The following IL1RAPL1 variants were observed in gnomAD, a reference collection of about 807,000 sequenced individuals.
IL1RAPL1 encodes interleukin-1 receptor accessory protein-like 1.
In IL1RAPL1, 3 loss-of-function variants were observed where a neutral mutation model predicts 48.4. The observed-to-expected ratio is 0.06, with a 90% CI of 0.03 to 0.16. The LOEUF (loss-of-function observed/expected upper bound fraction) is 0.16. IL1RAPL1 is among the 10% of genes least tolerant of loss of function. The pLI, the probability that IL1RAPL1 is intolerant of heterozygous loss-of-function variation, is 1.00. For missense variants in IL1RAPL1, 349 were observed against 530.6 expected, an observed-to-expected ratio of 0.66 and a Z score of 3.36; for synonymous variants, 185 against 187.7, an observed-to-expected ratio of 0.99 and a Z score of 0.12.
chrX:29,635,965 A>G (rs1209154358), intron 5 of IL1RAPL1, among the ~76,000 whole-genome samples: 4 of 111,520 alleles, frequency 3.6e-5, no homozygotes, highest in East Asian at 5.6e-4. Flanking sequence ...GAAGATATCC[A>G]TATGTCCTTG....
At position 28,625,769 on chromosome X, in the gene IL1RAPL1, T is replaced by TG. The variant is rs1569140767; in HGVS notation, c.-25+37722_-25+37723insG. Among the ~76,000 whole-genome samples the TG allele has an allele frequency of 5.4e-5, 6 of 110,393 alleles. No homozygotes were observed. The South Asian group carries it at 1.6e-3, about 29-fold the overall frequency. On this transcript the variant is annotated intron_variant, in intron 1 of 10. Coordinates refer to ENST00000378993, the MANE Select transcript of IL1RAPL1 (RefSeq NM_014271.4). ...GTGTGTGTGTGTGTGTGTGTGTGTG[T>TG]TTTACCAAGAATCTATATAGGTGCT...
At chrX:29,018,434 G>C (rs771657305) in intron 2 of IL1RAPL1, among the ~76,000 whole-genome samples, 4 of 112,043 alleles carry the variant, frequency 3.6e-5, no homozygotes, top group African/African-American at 1.3e-4. Flanking sequence ...ATGGGATTCT[G>C]GAAACATTCA....
intron 2 of IL1RAPL1, among the ~76,000 whole-genome samples, chrX:29,256,268 T>A (rs1374574290): frequency 1.3e-4 from 14 of 111,657 alleles, no homozygotes; most frequent in African/African-American, 2.3e-4. Flanking sequence ...TTAATTAATT[T>A]ATTTATTTTT....
chrX:29,733,340 G>C (rs1287921090), intron 6 of IL1RAPL1, among the ~76,000 whole-genome samples: 1 of 111,575 alleles, frequency 9.0e-6, no homozygotes, highest in Admixed American at 9.5e-5. Flanking sequence ...CCAGCTTCTG[G>C]CTCAGTTCCT....
intron 2 of IL1RAPL1, among the ~76,000 whole-genome samples, chrX:28,938,991 A>T (rs1924092832): frequency 9.2e-6 from 1 of 109,203 alleles, no homozygotes. Flanking sequence ...CGTACCAGTC[A>T]GAATGGCTAT....
chrX:29,017,690 G>A (rs976988793), intron 2 of IL1RAPL1, among the ~76,000 whole-genome samples: 4 of 111,393 alleles, frequency 3.6e-5, no homozygotes, highest in Admixed American at 2.9e-4. Context: ...AATCTATGTG[G>A]TAAGGACAAC....
At chrX:29,000,885 C>T (rs1379672945) in intron 2 of IL1RAPL1, among the ~76,000 whole-genome samples, 1 of 105,694 alleles carries the variant, frequency 9.5e-6, no homozygotes, top group African/African-American at 3.5e-5. Context: ...GGGGACATAG[C>T]ATGATGTGTG....
intron 2 of IL1RAPL1, among the ~76,000 whole-genome samples, chrX:28,984,093 AATT>A (rs1925407381): frequency 8.9e-6 from 1 of 111,883 alleles, no homozygotes; most frequent in Non-Finnish European, 1.9e-5. Flanking sequence ...TATTCAATAG[AATT>A]TTCTGCAGTA....
At chrX:28,878,522 G>A (rs183189693) in intron 2 of IL1RAPL1, among the ~76,000 whole-genome samples, 1 of 112,005 alleles carries the variant, frequency 8.9e-6, no homozygotes, top group Admixed American at 9.5e-5. Flanking sequence ...TAAATTTGGT[G>A]AAGCCAAACT....
chrX:29,297,026 A>G (rs1932459632), intron 3 of IL1RAPL1, among the ~76,000 whole-genome samples: 1 of 111,730 alleles, frequency 9.0e-6, no homozygotes, highest in Admixed American at 9.5e-5. Flanking sequence ...TGATTTCATT[A>G]TATCTCACAA....
chrX:29,723,918 G>A (rs1027372828), intron 6 of IL1RAPL1, among the ~76,000 whole-genome samples: 1 of 110,861 alleles, frequency 9.0e-6, no homozygotes, highest in Non-Finnish European at 1.9e-5. Context: ...GGGTTCAAAT[G>A]ATTCCCCTGC....
At chrX:29,938,252 G>T (rs1378277152) in intron 8 of IL1RAPL1, among the ~76,000 whole-genome samples, 1 of 112,034 alleles carries the variant, frequency 8.9e-6, no homozygotes, top group Non-Finnish European at 1.9e-5. Flanking sequence ...AATTAAAAAA[G>T]TATGTAGAGA....
chrX:29,000,833 T>C (rs1232305497), intron 2 of IL1RAPL1, among the ~76,000 whole-genome samples: 6 of 99,011 alleles, frequency 6.1e-5, no homozygotes, highest in Admixed American at 4.1e-4. Context: ...GTATAACTCT[T>C]TTTTTTTTTT....
At chrX:28,830,063 A>G (rs1921009076) in intron 2 of IL1RAPL1, among the ~76,000 whole-genome samples, 1 of 111,194 alleles carries the variant, frequency 9.0e-6, no homozygotes, top group African/African-American at 3.3e-5. Context: ...AGGAATTTGC[A>G]TTTATATTTA....
chrX:29,028,719 G>T (rs975528113), intron 2 of IL1RAPL1, among the ~76,000 whole-genome samples: 3 of 110,772 alleles, frequency 2.7e-5, no homozygotes, highest in African/African-American at 9.9e-5. Context: ...TTATACCTGG[G>T]GTCTATTCTA....
chrX:29,013,937 G>GT (rs1926183628), intron 2 of IL1RAPL1, among the ~76,000 whole-genome samples: 1 of 111,739 alleles, frequency 8.9e-6, no homozygotes, highest in African/African-American at 3.3e-5. Flanking sequence ...CAATTTTTGG[G>GT]TATGCTCAAG....
chrX:29,432,509 C>A (rs1443631777), intron 5 of IL1RAPL1, among the ~76,000 whole-genome samples: 1 of 111,476 alleles, frequency 9.0e-6, no homozygotes, highest in Admixed American at 9.6e-5. Context: ...CACTAGCTCA[C>A]CCCAATACTT....
chrX:28,848,088 C>T (rs752863606), intron 2 of IL1RAPL1, among the ~76,000 whole-genome samples: 1 of 111,377 alleles, frequency 9.0e-6, no homozygotes, highest in Admixed American at 9.6e-5. Flanking sequence ...ACTGCATGTT[C>T]TCACTCATAA....
chrX:28,724,723 G>T (rs892373899), intron 1 of IL1RAPL1, among the ~76,000 whole-genome samples: 4 of 111,395 alleles, frequency 3.6e-5, no homozygotes, highest in Non-Finnish European at 7.5e-5. Flanking sequence ...TGTTTTTGCA[G>T]TGGCTGGTAC....
Sources: allele counts gnomAD v4.1 joint callset (sites outside exome capture counted in the v4.1 genomes callset), GRCh38; gene constraint gnomAD v4.1.1; transcripts MANE v1.5; gene names NCBI Gene and HGNC (gene_info 2026-07-23, HGNC 2026-07-21).